The following VPS13B variants were observed in gnomAD, a reference collection of about 807,000 sequenced individuals.
VPS13B encodes the protein vacuolar protein sorting 13 homolog B.
VPS13B carries 285 observed loss-of-function variants against 426.4 expected under a neutral mutation model. The ratio of observed to expected loss-of-function variants is 0.67; its 90% confidence interval spans 0.61 to 0.74. VPS13B has a LOEUF of 0.74. Among genes scored for constraint, VPS13B ranks in the 30% least tolerant of loss-of-function variants. VPS13B has a pLI of 0.00. For synonymous variants in VPS13B, 1,676 were observed against 1,676.4 expected, an observed-to-expected ratio of 1.00 and a Z score of 0.01; for missense variants, 4,537 against 4,782.6, an observed-to-expected ratio of 0.95 and a Z score of 1.51.
At chr8:99,577,703 ATAAT>A (rs1319622444) in intron 33 of VPS13B, 70 bp downstream of exon 33, 3 of 1,568,676 alleles carry the variant, frequency 1.9e-6, no homozygotes, top group Non-Finnish European at 2.6e-6. Context: ...TAGGAAAACT[ATAAT>A]TAAGCTGACT....
chr8:99,606,200 G>A (rs949015407), intron 33 of VPS13B, among the ~76,000 whole-genome samples: 15 of 152,014 alleles, frequency 9.9e-5, no homozygotes, highest in African/African-American at 4.8e-5. Context: ...CCAGCAGCCC[G>A]GGCTGAAACT....
intron 35 of VPS13B, among the ~76,000 whole-genome samples, chr8:99,694,820 G>T (rs1421941418): frequency 1.3e-5 from 2 of 152,086 alleles, no homozygotes; most frequent in Admixed American, 1.3e-4. Context: ...CTAATATCCA[G>T]AATCTACAAT....
intron 30 of VPS13B, among the ~76,000 whole-genome samples, chr8:99,552,666 G>T (rs75541330): frequency 2.6e-5 from 4 of 151,844 alleles, no homozygotes; most frequent in African/African-American, 9.6e-5. Flanking sequence ...AGCATAAGGA[G>T]AACTGTTGCT....
intron 34 of VPS13B, among the ~76,000 whole-genome samples, chr8:99,650,982 C>G (rs901974896): frequency 6.6e-6 from 1 of 152,010 alleles, no homozygotes; most frequent in Non-Finnish European, 1.5e-5. Context: ...TATAAGTATT[C>G]TCGAGATGAT....
chr8:99,686,906 A>C (rs1259775870), intron 35 of VPS13B, among the ~76,000 whole-genome samples: 2 of 151,558 alleles, frequency 1.3e-5, no homozygotes, highest in African/African-American at 4.9e-5. Context: ...TCACTTTTCT[A>C]TCTCCTTTTC....
chr8:99,708,838 T>TCC (rs1832595510), intron 36 of VPS13B, among the ~76,000 whole-genome samples: 1 of 137,070 alleles, frequency 7.3e-6, no homozygotes, highest in South Asian at 2.3e-4. Flanking sequence ...TGTCTCTCTC[T>TCC]CTCTCTCTCT....
intron 36 of VPS13B, among the ~76,000 whole-genome samples, chr8:99,712,395 T>C (rs766122710): frequency 5.3e-5 from 8 of 152,206 alleles, no homozygotes; most frequent in Non-Finnish European, 8.8e-5. Context: ...AATATTATGC[T>C]CATTCCTGGA....
At chr8:99,243,100 G>A (rs1817018364) in intron 17 of VPS13B, among the ~76,000 whole-genome samples, 1 of 152,154 alleles carries the variant, frequency 6.6e-6, no homozygotes, top group Non-Finnish European at 1.5e-5. Context: ...TATATAATGA[G>A]ACAGGAAGAT....
intron 39 of VPS13B, among the ~76,000 whole-genome samples, chr8:99,759,559 C>T (rs1306433689): frequency 6.6e-6 from 1 of 152,190 alleles, no homozygotes; most frequent in Non-Finnish European, 1.5e-5. Context: ...AGCTGTGTAT[C>T]AGCACAGTTA....
At chr8:99,684,860 G>A (rs1831316309) in intron 35 of VPS13B, among the ~76,000 whole-genome samples, 1 of 152,236 alleles carries the variant, frequency 6.6e-6, no homozygotes, top group African/African-American at 2.4e-5. Context: ...CTGGAGTGCA[G>A]TGGCACGATC....
chr8:99,211,054 C>T (rs1393163323), intron 17 of VPS13B, among the ~76,000 whole-genome samples: 1 of 152,186 alleles, frequency 6.6e-6, no homozygotes, highest in African/African-American at 2.4e-5. Context: ...CAGACATCCT[C>T]ACTTCCCACA....
intron 23 of VPS13B, among the ~76,000 whole-genome samples, chr8:99,458,083 A>G (rs1404454747): frequency 8.9e-6 from 1 of 112,066 alleles, no homozygotes; most frequent in Non-Finnish European, 1.8e-5. Context: ...CAACCCCACA[A>G]CAGGCCCCGG....
intron 19 of VPS13B, among the ~76,000 whole-genome samples, chr8:99,316,454 G>A (rs377621801): frequency 3.0e-4 from 45 of 152,112 alleles, no homozygotes; most frequent in African/African-American, 9.9e-4. Context: ...TGGCATAAGC[G>A]CCCTCTCTGC....
intron 2 of VPS13B, among the ~76,000 whole-genome samples, chr8:99,026,935 G>A (rs750712842): frequency 1.7e-4 from 26 of 151,994 alleles, no homozygotes; most frequent in Non-Finnish European, 2.5e-4. Context: ...GGAGTGCAGC[G>A]GTGCAATCTT....
At chr8:99,459,371 A>G (rs919588702) in intron 23 of VPS13B, among the ~76,000 whole-genome samples, 1 of 152,192 alleles carries the variant, frequency 6.6e-6, no homozygotes, top group African/African-American at 2.4e-5. Flanking sequence ...TAGCATTTAA[A>G]TTCTGTCAGT....
chr8:99,155,563 G>T (rs1447282301), intron 14 of VPS13B, among the ~76,000 whole-genome samples: 1 of 152,058 alleles, frequency 6.6e-6, no homozygotes, highest in Non-Finnish European at 1.5e-5. Flanking sequence ...CCCAAAGAAA[G>T]TCACTTAAAA....
chr8:99,121,246 A>G lies in VPS13B; in HGVS notation c.1007A>G (p.Gln336Arg). The G allele has an allele frequency of 6.2e-7, 1 of 1,614,170 alleles. No individual in the cohort carries two copies. Among genetic ancestry groups the G allele is most frequent in the Non-Finnish European group, 8.5e-7 (1 of 1,180,018 alleles). ...AQHKGQELYS[Q>R]QDEEQPQGWV... ...CATAAAGGTCAAGAGTTATATTCACAGCAAGATGAGGAGCAGCCACAGGGA... is the reference window on the plus strand; with the variant it reads ...CATAAAGGTCAAGAGTTATATTCACGGCAAGATGAGGAGCAGCCACAGGGA... Residue 336 changes from glutamine (Q) to arginine (R), a missense_variant, in exon 8 of 62, where the codon CAG becomes CGG. Physicochemically the swap from Gln to Arg is conservative, Grantham distance 43 (BLOSUM62 1). Around this residue, in one of 2 missense-constraint regions of VPS13B, gnomAD observed 4,311 missense variants for 4,474.3 expected, o/e 0.96. Transcript: ENST00000357162.
intron 3 of VPS13B, among the ~76,000 whole-genome samples, chr8:99,039,758 A>G (rs923816338): frequency 6.6e-6 from 1 of 152,142 alleles, no homozygotes; most frequent in African/African-American, 2.4e-5. Context: ...TTTGAGTGCC[A>G]TATCAACCCA....
intron 54 of VPS13B, among the ~76,000 whole-genome samples, chr8:99,847,990 C>G (rs950120881): frequency 1.3e-5 from 2 of 152,266 alleles, no homozygotes; most frequent in South Asian, 4.1e-4. Context: ...CCAGCCTTCC[C>G]AAGCATAAGG....
Sources: allele counts gnomAD v4.1 joint callset (sites outside exome capture counted in the v4.1 genomes callset), GRCh38; gene constraint gnomAD v4.1.1; regional missense constraint gnomAD v4.1.1; transcripts MANE v1.5; gene names NCBI Gene and HGNC (gene_info 2026-07-23, HGNC 2026-07-21).